Variants in ATP9B observed in about 807,000 individuals in gnomAD.
ATP9B encodes ATPase phospholipid transporting 9B, also known as probable phospholipid-transporting ATPase IIB.
In ATP9B, 110 loss-of-function variants were observed where a neutral mutation model predicts 146.1. The ratio of observed to expected loss-of-function variants is 0.75; its 90% CI spans 0.65 to 0.88. ATP9B has a LOEUF of 0.88. Among genes scored for constraint, ATP9B ranks in the 40% least tolerant of loss-of-function variants. ATP9B has a pLI of 0.00. For missense variants in ATP9B, 1,499 were observed against 1,496.4 expected (o/e 1.00, Z -0.03); for synonymous variants, 604 against 569.7 (o/e 1.06, Z -0.86).
chr18:79,114,743 G>GT (rs751582106), intron 4 of ATP9B, among the ~76,000 whole-genome samples: 1 of 152,250 alleles, frequency 6.6e-6, no homozygotes, highest in African/African-American at 2.4e-5. Context: ...GGGTAAAACT[G>GT]TAACACTGTG....
intron 7 of ATP9B, among the ~76,000 whole-genome samples, chr18:79,172,719 T>C (rs2095097828): frequency 6.6e-6 from 1 of 152,290 alleles, no homozygotes; most frequent in Non-Finnish European, 1.5e-5. Flanking sequence ...AGTTTGTTCA[T>C]TTTTTACTGC....
intron 16 of ATP9B, 66 bp from the exon 17 acceptor site, chr18:79,329,946 C>A (rs1568711677): frequency 7.3e-7 from 1 of 1,379,246 alleles, no homozygotes; most frequent in South Asian, 1.2e-5. Flanking sequence ...TTTTATTAGA[C>A]TAGCAGTTAT....
chr18:79,209,719 T>G (rs1289599528), intron 10 of ATP9B: 1 of 972,716 alleles, frequency 1.0e-6, no homozygotes, highest in African/African-American at 1.8e-5. Flanking sequence ...GAAGCTTAAT[T>G]AAGGTACCTT....
chr18:79,108,853 T>C (rs1184642224), intron 2 of ATP9B, among the ~76,000 whole-genome samples: 1 of 152,242 alleles, frequency 6.6e-6, no homozygotes, highest in Non-Finnish European at 1.5e-5. Flanking sequence ...TCATAAGGAA[T>C]GCTACTATGG....
At chr18:79,335,116 G>C (rs2096816310) in intron 17 of ATP9B, among the ~76,000 whole-genome samples, 1 of 152,218 alleles carries the variant, frequency 6.6e-6, no homozygotes, top group Non-Finnish European at 1.5e-5. Flanking sequence ...AGTTCCAGAA[G>C]TGGCTTCTGC....
At chr18:79,300,844 C>T (rs902093846) in intron 13 of ATP9B, among the ~76,000 whole-genome samples, 2 of 152,200 alleles carry the variant, frequency 1.3e-5, no homozygotes, top group Non-Finnish European at 2.9e-5. Flanking sequence ...TTTAACTTTA[C>T]ATATGAAATT....
intron 11 of ATP9B, among the ~76,000 whole-genome samples, chr18:79,225,696 G>A (rs1398966769): frequency 7.2e-6 from 1 of 139,200 alleles, no homozygotes; most frequent in Non-Finnish European, 1.5e-5. Flanking sequence ...GTTGGGTCCC[G>A]CAGTTGCAGG....
intron 12 of ATP9B, among the ~76,000 whole-genome samples, chr18:79,259,179 A>G (rs891515452): frequency 6.6e-6 from 1 of 152,232 alleles, no homozygotes; most frequent in Non-Finnish European, 1.5e-5. Flanking sequence ...GGAAAATATT[A>G]TAGTATTTAA....
chr18:79,280,983 A>G (rs545437510), intron 13 of ATP9B, among the ~76,000 whole-genome samples: 90 of 152,340 alleles, frequency 5.9e-4, no homozygotes, highest in African/African-American at 2.0e-3. Context: ...TTTTTATAGG[A>G]ACTTTCCTTC....
chr18:79,264,683 T>G (rs1248411617), intron 12 of ATP9B, among the ~76,000 whole-genome samples: 2 of 151,522 alleles, frequency 1.3e-5, no homozygotes, highest in Non-Finnish European at 2.9e-5. Flanking sequence ...TTTTTTTTTT[T>G]GATATATATG....
At chr18:79,236,203 A>T (rs2095839894) in intron 11 of ATP9B, among the ~76,000 whole-genome samples, 1 of 152,114 alleles carries the variant, frequency 6.6e-6, no homozygotes, top group Admixed American at 6.5e-5. Flanking sequence ...GTATGTGGTG[A>T]TATCTCATTG....
At chr18:79,317,213 A>G (rs1055401086) in intron 15 of ATP9B, among the ~76,000 whole-genome samples, 1 of 152,212 alleles carries the variant, frequency 6.6e-6, no homozygotes, top group Non-Finnish European at 1.5e-5. Flanking sequence ...TTTGGCAATG[A>G]TGTCTAAGGA....
At chr18:79,200,791 A>ACTGTCGGGGTCAG (rs1555749773) in intron 9 of ATP9B, among the ~76,000 whole-genome samples, 1 of 1,500 alleles carries the variant, frequency 6.7e-4, no homozygotes, top group Non-Finnish European at 1.8e-3. Context: ...GTAGTGGTGG[A>ACTGTCGGGGTCAG]ATTGTTTTCA....
At chr18:79,168,056 C>T (rs1048930561) in intron 7 of ATP9B, among the ~76,000 whole-genome samples, 6 of 152,216 alleles carry the variant, frequency 3.9e-5, no homozygotes, top group African/African-American at 1.4e-4. Context: ...GGATGGGGAT[C>T]CTGCCAGCTC....
intron 10 of ATP9B, among the ~76,000 whole-genome samples, chr18:79,213,315 T>TA (rs376740332): frequency 2.2e-4 from 33 of 152,158 alleles, no homozygotes; most frequent in Admixed American, 1.2e-3. Context: ...AAGTGCCCTT[T>TA]AGCCTTTGAA....
At chr18:79,283,463 G>C (rs759793708) in intron 13 of ATP9B, among the ~76,000 whole-genome samples, 14 of 152,190 alleles carry the variant, frequency 9.2e-5, no homozygotes, top group Non-Finnish European at 1.9e-4. Context: ...TAAGCTTTTG[G>C]ATAAGAAGCG....
In ATP9B at chr18:79,337,728, C is replaced by T. The variant is rs113979713; in HGVS notation, c.2283+279C>T. On this transcript the variant is annotated intron_variant, in intron 19 of 29. Transcript: ENST00000426216. ...AGAGGAGTCCTGGTCCCAGCCCTGG[C>T]GATGTCAAACTGCCACATGCCATTT... Among the ~76,000 whole-genome samples the T allele has an allele frequency of 6.5e-3, 993 of 152,342 alleles. 5 individuals carry two copies. Among genetic ancestry groups the T allele is most frequent in the African/African-American group, 0.022 (929 of 41,572 alleles).
At chr18:79,110,757 ACAT>A (rs1404484176) in intron 3 of ATP9B, among the ~76,000 whole-genome samples, 6 of 152,238 alleles carry the variant, frequency 3.9e-5, no homozygotes, top group African/African-American at 7.2e-5. Context: ...TTCTTGATAA[ACAT>A]CATATTTATA....
intron 11 of ATP9B, among the ~76,000 whole-genome samples, chr18:79,214,286 A>G (rs968773994): frequency 6.6e-6 from 1 of 152,158 alleles, no homozygotes; most frequent in African/African-American, 2.4e-5. Flanking sequence ...TCATTGTCAG[A>G]TATATAATTT....
Sources: gnomAD v4.1 joint callset for allele counts (sites outside exome capture counted in the v4.1 genomes callset) on GRCh38, gnomAD v4.1.1 for gene constraint, MANE v1.5 for transcripts, NCBI Gene and HGNC (gene_info 2026-07-23, HGNC 2026-07-21) for gene names.